DMD: variants seen among roughly 807,000 people sequenced by gnomAD.
DMD encodes dystrophin, also known as mutant dystrophin.
DMD carries 63 observed loss-of-function variants against 330.1 expected under a neutral mutation model. The ratio of observed to expected loss-of-function variants is 0.19; its 90% CI spans 0.16 to 0.24. The LOEUF (loss-of-function observed/expected upper bound fraction) is 0.24, where lower values mean the gene tolerates loss of function less well. Among genes scored for constraint, DMD ranks in the 10% least tolerant of loss-of-function variants. The pLI is 1.00. For synonymous variants in DMD, 1,223 were observed against 959.8 expected, an observed-to-expected ratio of 1.27 and a Z score of -5.07; for missense variants, 3,344 against 2,684.1, an observed-to-expected ratio of 1.25 and a Z score of -5.43.
chrX:32,477,769 G>C, intron 21 of DMD, among the ~76,000 whole-genome samples: 1 of 110,617 alleles, frequency 9.0e-6, no homozygotes, highest in Non-Finnish European at 1.9e-5. Context: ...GAACTACTCA[G>C]AAAATAGGCA....
At position 31,932,231 on chromosome X, in the gene DMD, G is replaced by A. The variant is rs1603615892; in HGVS notation, c.6615-4C>T. On this transcript the variant is annotated splice_region_variant and splice_polypyrimidine_tract_variant and intron_variant, in intron 45 of 78. Transcript: ENST00000357033. ...GATATTCTTTTGTTCTTCTAGCCTG[G>A]AGAAAGAAGAATAAAATTGTTATTT... 8.6e-7 allele frequency: 1 copy of A among 1,168,814 alleles called. No individual in the cohort carries two copies. The highest frequency in any genetic ancestry group is 1.8e-5 in the South Asian group (1 of 54,967).
intron 60 of DMD, among the ~76,000 whole-genome samples, chrX:31,354,711 A>C (rs1024387672): frequency 8.9e-6 from 1 of 112,077 alleles, no homozygotes; most frequent in African/African-American, 3.2e-5. Context: ...CACTACATTC[A>C]TTCAAAAGAT....
At chrX:32,091,690 G>T (rs2054819055) in intron 44 of DMD, among the ~76,000 whole-genome samples, 1 of 111,289 alleles carries the variant, frequency 9.0e-6, no homozygotes, top group Non-Finnish European at 1.9e-5. Flanking sequence ...ATGTTATCAA[G>T]ACATTAATTA....
At chrX:31,903,473 A>T (rs781407973) in intron 47 of DMD, among the ~76,000 whole-genome samples, 91 of 112,331 alleles carry the variant, frequency 8.1e-4, no homozygotes, top group African/African-American at 2.6e-3. Flanking sequence ...TCGCAATATT[A>T]TAAAACCAGC....
chrX:32,947,370 T>A (rs2090892108), intron 2 of DMD, among the ~76,000 whole-genome samples: 1 of 112,374 alleles, frequency 8.9e-6, no homozygotes, highest in Non-Finnish European at 1.9e-5. Flanking sequence ...TTTTATTTCA[T>A]AAAAATAGAC....
intron 44 of DMD, among the ~76,000 whole-genome samples, chrX:32,139,843 C>T (rs994250926): frequency 8.9e-6 from 1 of 112,140 alleles, no homozygotes; most frequent in African/African-American, 3.2e-5. Flanking sequence ...TGCCTGCCTT[C>T]AAAGAGACTG....
chrX:32,422,470 G>A (rs7051685), intron 29 of DMD, among the ~76,000 whole-genome samples: 31,768 of 110,464 alleles, frequency 0.29, 5,467 homozygotes, highest in African/African-American at 0.66. Context: ...TAACAACAAC[G>A]AAAAATAACA....
intron 1 of DMD, among the ~76,000 whole-genome samples, chrX:33,101,419 G>A (rs781230259): frequency 5.0e-4 from 56 of 112,301 alleles, no homozygotes; most frequent in African/African-American, 1.8e-3. Flanking sequence ...CCTGAGGTCA[G>A]GAGTTCGAGA....
chrX:31,401,098 T>C (rs1482314851), intron 60 of DMD, among the ~76,000 whole-genome samples: 2 of 111,644 alleles, frequency 1.8e-5, no homozygotes, highest in Non-Finnish European at 3.8e-5. Flanking sequence ...AATCCTGCCT[T>C]AGGAAGAAAA....
chrX:32,832,698 C>G (rs763103503), intron 4 of DMD, among the ~76,000 whole-genome samples: 9 of 111,770 alleles, frequency 8.1e-5, no homozygotes, highest in Admixed American at 9.5e-5. Flanking sequence ...TGCTTTTACA[C>G]CACATTTAAG....
At chrX:31,283,593 G>T (rs2052792696) in intron 62 of DMD, among the ~76,000 whole-genome samples, 1 of 111,269 alleles carries the variant, frequency 9.0e-6, no homozygotes, top group African/African-American at 3.3e-5. Flanking sequence ...CCTTCATCAT[G>T]ATTTATTTTC....
intron 7 of DMD, among the ~76,000 whole-genome samples, chrX:32,786,190 T>C (rs896450116): frequency 6.3e-5 from 7 of 110,451 alleles, no homozygotes; most frequent in African/African-American, 2.3e-4. Flanking sequence ...CAACTGATTC[T>C]ATACAGAAAA....
At chrX:32,643,776 A>G (rs1226457902) in intron 11 of DMD, among the ~76,000 whole-genome samples, 1 of 111,709 alleles carries the variant, frequency 9.0e-6, no homozygotes, top group Non-Finnish European at 1.9e-5. Flanking sequence ...CGTGTCAACT[A>G]TAGCTAATAG....
At chrX:32,203,516 A>T (rs2097050388) in intron 44 of DMD, among the ~76,000 whole-genome samples, 1 of 112,463 alleles carries the variant, frequency 8.9e-6, no homozygotes, top group African/African-American at 3.2e-5. Context: ...GTAGGGAACC[A>T]TGTCTTATGG....
intron 55 of DMD, among the ~76,000 whole-genome samples, chrX:31,603,552 G>A (rs1497445): frequency 0.22 from 23,876 of 110,874 alleles, 1,967 homozygotes; most frequent in Middle Eastern, 0.29. Context: ...CAAGCAGACT[G>A]TTCTGGTTTG....
chrX:31,305,042 G>A (rs1028164758), intron 62 of DMD, among the ~76,000 whole-genome samples: 2 of 111,775 alleles, frequency 1.8e-5, no homozygotes, highest in African/African-American at 6.5e-5. Flanking sequence ...AGCAAAGTAT[G>A]GCTAATGGGC....
intron 44 of DMD, among the ~76,000 whole-genome samples, chrX:32,149,785 G>A (rs2096795636): frequency 9.0e-6 from 1 of 111,458 alleles, no homozygotes; most frequent in African/African-American, 3.3e-5. Flanking sequence ...GTTCTGAGAT[G>A]AAGCTTCATG....
intron 57 of DMD, among the ~76,000 whole-genome samples, chrX:31,482,890 A>G (rs1022642588): frequency 1.0e-4 from 11 of 110,488 alleles, no homozygotes; most frequent in African/African-American, 3.6e-4. Flanking sequence ...TCAGGATGAG[A>G]GACTTTCGAT....
chrX:32,226,894 T>C (rs2147940435), intron 43 of DMD, among the ~76,000 whole-genome samples: 1 of 110,808 alleles, frequency 9.0e-6, no homozygotes, highest in South Asian at 3.8e-4. Flanking sequence ...TTTCCAAATA[T>C]ATCAGCAATC....
Sources: gnomAD v4.1 joint callset for allele counts (sites outside exome capture counted in the v4.1 genomes callset) on GRCh38, gnomAD v4.1.1 for gene constraint, MANE v1.5 for transcripts, NCBI Gene and HGNC (gene_info 2026-07-23, HGNC 2026-07-21) for gene names.